The following LHFPL3 variants were observed in gnomAD, a reference collection of about 807,000 sequenced individuals.
The protein encoded by LHFPL3 is LHFPL tetraspan subfamily member 3 protein.
In LHFPL3, 5 loss-of-function variants were observed where a neutral mutation model predicts 19.3. That is an observed-to-expected ratio of 0.26 (90% CI 0.14 to 0.54). The LOEUF (loss-of-function observed/expected upper bound fraction) is 0.54. LHFPL3 is among the 20% of genes least tolerant of loss of function. The probability of loss-of-function intolerance (pLI) is 0.94; values close to 1 mark genes in which losing one functional copy is unlikely to be tolerated. For synonymous variants in LHFPL3, 133 were observed against 126.2 expected (o/e 1.05, Z -0.36); for missense variants, 249 against 307.4 (o/e 0.81, Z 1.42).
intron 1 of LHFPL3, among the ~76,000 whole-genome samples, chr7:104,400,373 A>G (rs1004671640): frequency 2.6e-5 from 4 of 152,192 alleles, no homozygotes; most frequent in African/African-American, 9.6e-5. Flanking sequence ...GACTTTGTCA[A>G]GCATTTAATG....
At chr7:104,464,387 C>T (rs1199254289) in intron 1 of LHFPL3, among the ~76,000 whole-genome samples, 1 of 152,160 alleles carries the variant, frequency 6.6e-6, no homozygotes, top group African/African-American at 2.4e-5. Context: ...AGAATGGTGG[C>T]CCTCTTCTCA....
intron 1 of LHFPL3, among the ~76,000 whole-genome samples, chr7:104,649,744 G>C (rs1201033947): frequency 1.3e-5 from 2 of 152,234 alleles, no homozygotes; most frequent in African/African-American, 2.4e-5. Context: ...GGGAGTTAGT[G>C]AGAGCAGCAG....
At chr7:104,681,554 A>G (rs4288293) in intron 1 of LHFPL3, among the ~76,000 whole-genome samples, 58,852 of 151,396 alleles carry the variant, frequency 0.39, 11,681 homozygotes, top group South Asian at 0.57. Flanking sequence ...CCTGGGAGGC[A>G]GAGGTTGCAG....
intron 2 of LHFPL3, among the ~76,000 whole-genome samples, chr7:104,841,493 G>T (rs4730051): frequency 0.032 from 4,441 of 140,824 alleles, 105 homozygotes; most frequent in East Asian, 0.11. Context: ...CATTATGTGG[G>T]GTGTGTGTGT....
chr7:104,702,408 T>C (rs941956154), intron 1 of LHFPL3, among the ~76,000 whole-genome samples: 10 of 152,208 alleles, frequency 6.6e-5, no homozygotes, highest in Non-Finnish European at 1.2e-4. Context: ...TCCTCAAATA[T>C]CTACTAATCC....
intron 1 of LHFPL3, among the ~76,000 whole-genome samples, chr7:104,546,508 T>A (rs1349863796): frequency 1.3e-5 from 2 of 152,196 alleles, no homozygotes; most frequent in Non-Finnish European, 2.9e-5. Context: ...GAAAGTCAGA[T>A]AATGAAACTA....
intron 1 of LHFPL3, among the ~76,000 whole-genome samples, chr7:104,356,770 G>A (rs1330444659): frequency 2.0e-5 from 3 of 152,100 alleles, no homozygotes; most frequent in African/African-American, 7.2e-5. Flanking sequence ...GGAGGAAATG[G>A]CACCAACACC....
chr7:104,879,973 C>T (rs1348445833), intron 2 of LHFPL3, among the ~76,000 whole-genome samples: 1 of 152,020 alleles, frequency 6.6e-6, no homozygotes, highest in Non-Finnish European at 1.5e-5. Flanking sequence ...AGGAGGATGG[C>T]TTTAGCCCAG....
chr7:104,380,919 A>C (rs956657258), intron 1 of LHFPL3, among the ~76,000 whole-genome samples: 3 of 152,248 alleles, frequency 2.0e-5, no homozygotes, highest in African/African-American at 7.2e-5. Context: ...CATTGAAATC[A>C]GTTGTGTAGA....
intron 1 of LHFPL3, among the ~76,000 whole-genome samples, chr7:104,422,424 G>C (rs1260643932): frequency 6.6e-6 from 1 of 151,940 alleles, no homozygotes; most frequent in East Asian, 2.0e-4. Flanking sequence ...CAGTCTATGG[G>C]GCTTCATTAT....
At chr7:104,619,053 G>T (rs1791398097) in intron 1 of LHFPL3, among the ~76,000 whole-genome samples, 2 of 152,304 alleles carry the variant, frequency 1.3e-5, no homozygotes, top group South Asian at 2.1e-4. Context: ...TTCTCTTGGG[G>T]TTTCATGAGA....
intron 1 of LHFPL3, among the ~76,000 whole-genome samples, chr7:104,510,240 T>G (rs1396188424): frequency 6.6e-6 from 1 of 152,066 alleles, no homozygotes; most frequent in African/African-American, 2.4e-5. Context: ...ATTCTAAAAT[T>G]TATATTGAAA....
chr7:104,715,114 C>A (rs1213301674), intron 1 of LHFPL3, among the ~76,000 whole-genome samples: 1 of 152,050 alleles, frequency 6.6e-6, no homozygotes, highest in Non-Finnish European at 1.5e-5. Context: ...CCAGCCTGAG[C>A]AGCATAGGGA....
At chr7:104,702,825 C>T (rs1323741532) in intron 1 of LHFPL3, among the ~76,000 whole-genome samples, 5 of 152,174 alleles carry the variant, frequency 3.3e-5, no homozygotes, top group Admixed American at 3.3e-4. Flanking sequence ...TCCCTGGCGC[C>T]TTATTGCATA....
intron 2 of LHFPL3, among the ~76,000 whole-genome samples, chr7:104,875,477 ATC>A (rs1791920801): frequency 6.6e-6 from 1 of 152,216 alleles, no homozygotes; most frequent in Non-Finnish European, 1.5e-5. Flanking sequence ...ATTAGAGCCC[ATC>A]TGGGTGAATT....
chr7:104,697,220 A>G (rs74446426), intron 1 of LHFPL3, among the ~76,000 whole-genome samples: 1,603 of 152,286 alleles, frequency 0.011, 24 homozygotes, highest in African/African-American at 0.036. Flanking sequence ...ATTCCAATAT[A>G]TGAATTTGCG....
rs1269893960 is a variant in LHFPL3, at chr7:104,470,129, G to A, written c.445+140905G>A. 13 of 453,700 alleles carry A rather than the reference G, an allele frequency of 2.9e-5. No homozygotes were observed. The Admixed American group carries it at 3.1e-4, about 11-fold the overall frequency. 28.1% of individuals were successfully genotyped at this position (453,700 alleles called of 1,614,324 possible). ...CTGAGAGACAGTGAGAGGAGAAGAA[G>A]AACATGGGTGTTGTTGGGGATTCTT... On this transcript the variant is annotated intron_variant, in intron 1 of 2. Transcript: ENST00000424859.
At position 104,360,737 on chromosome 7, in the gene LHFPL3, G is replaced by A. The variant is rs1000849042; in HGVS notation, c.445+31513G>A. On this transcript the variant is annotated intron_variant, in intron 1 of 2. Transcript: ENST00000424859. ...TGTGTGTGTGTGTGTGTGTGTGTGT[G>A]TGTGTATACATTTACATACTTCTTG... Among the ~76,000 whole-genome samples, 8 of 116,540 alleles carry A rather than the reference G, an allele frequency of 6.9e-5. No homozygotes were observed. The Admixed American group carries it at 7.3e-4, about 11-fold the overall frequency. 76.5% of individuals were successfully genotyped at this position (116,540 alleles called of 152,430 possible).
At chr7:104,339,830 T>G (rs1256638570) in intron 1 of LHFPL3, among the ~76,000 whole-genome samples, 1 of 152,212 alleles carries the variant, frequency 6.6e-6, no homozygotes, top group East Asian at 1.9e-4. Flanking sequence ...TCTGAGATTA[T>G]TGCCATTAAT....
Sources: gnomAD v4.1 joint callset for allele counts (sites outside exome capture counted in the v4.1 genomes callset) on GRCh38, gnomAD v4.1.1 for gene constraint, MANE v1.5 for transcripts, NCBI Gene and HGNC (gene_info 2026-07-23, HGNC 2026-07-21) for gene names.